TAPBPL: variants seen among roughly 807,000 people sequenced by gnomAD.
TAPBPL encodes TAP binding protein like.
In TAPBPL, 32 loss-of-function variants were observed where a neutral mutation model predicts 44.8. The observed-to-expected ratio is 0.71, with a 90% confidence interval of 0.54 to 0.96. The LOEUF (loss-of-function observed/expected upper bound fraction) is 0.96, where lower values mean the gene tolerates loss of function less well. Among genes scored for constraint, TAPBPL ranks in the 40% least tolerant of loss-of-function variants. The pLI, the probability that TAPBPL is intolerant of heterozygous loss-of-function variation, is 0.00. For missense variants in TAPBPL, 520 were observed against 586.6 expected (o/e 0.89, Z 1.17); for synonymous variants, 230 against 240.7 (o/e 0.96, Z 0.41).
At position 6,457,691 on chromosome 12, in the gene TAPBPL, AG is replaced by A; in HGVS notation, c.852del (p.Ile285SerfsTer24). The A allele has an allele frequency of 6.2e-7, 1 of 1,612,380 alleles. No individual in the cohort carries two copies. Among genetic ancestry groups the A allele is most frequent in the Non-Finnish European group, 8.5e-7 (1 of 1,178,786 alleles). ...TIQDEGTYICQITTSLYRAQQ... is the reference protein window; with the variant it reads ...TIQDEGTYICXITTSLYRAQQ... ...CAGGACGAGGGGACCTACATTTGCC[AG>A]ATCACCACCTCTCTGTACCGAGCTC... On this transcript the variant is annotated frameshift_variant, in exon 4 of 7. Transcript: ENST00000266556. LOFTEE classifies it high-confidence loss of function.
At chr12:6,463,421 G>C (rs2534713), downstream of TAPBPL, 299,824 of 1,054,628 alleles carry the variant, frequency 0.28, 44,501 homozygotes, top group South Asian at 0.33. This position sits in a 1 kb window ranked among gnomAD's most constrained non-coding sequence, Gnocchi z 4.0. Context: ...TCTTTGGCAA[G>C]TGCACGGGTG....
intron 5 of TAPBPL, 53 bp from the exon 6 acceptor site, chr12:6,460,802 A>T: frequency 6.3e-7 from 1 of 1,580,578 alleles, no homozygotes; most frequent in Non-Finnish European, 8.7e-7. Context: ...GTGAGGGCTC[A>T]GCTCATGATT....
chr12:6,462,817 C>T (rs1217813423), downstream of TAPBPL: 3 of 1,603,644 alleles, frequency 1.9e-6, no homozygotes, highest in Middle Eastern at 5.0e-4. Context: ...GTACTGACTG[C>T]TTTCTTCCAG....
chr12:6,469,606 T>C (rs1015194425), downstream of TAPBPL, among the ~76,000 whole-genome samples: 4 of 152,238 alleles, frequency 2.6e-5, no homozygotes, highest in Admixed American at 1.3e-4. Flanking sequence ...ACAACCCTTA[T>C]GTAACACAAG....
chr12:6,457,271 G>A (rs1191570390), intron 3 of TAPBPL, 135 bp from the exon 4 acceptor site: 1 of 771,204 alleles, frequency 1.3e-6, no homozygotes, highest in Non-Finnish European at 2.0e-6. Context: ...GGTTCCATGT[G>A]ATGGAAAATA....
In TAPBPL at chr12:6,452,092, GAAAGA is replaced by G; in HGVS notation, c.-152_-148del. ...CTGCCATCTTGCTCTAAGTGAAAGT[GAAAGA>G]AAAGTCGGCAGCAGAGGGAACAGGG... On this transcript the variant is annotated 5_prime_UTR_variant, in exon 1 of 7. Coordinates refer to ENST00000266556, the MANE Select transcript of TAPBPL (RefSeq NM_018009.5). The G allele has an allele frequency of 1.1e-6, 1 of 869,858 alleles. No homozygotes were observed. Among genetic ancestry groups the G allele is most frequent in the Non-Finnish European group, 1.8e-6 (1 of 551,318 alleles). The allele number at this position is 869,858 out of a possible 1,614,324, so 53.9% of individuals were successfully genotyped here.
downstream of TAPBPL, chr12:6,462,722 G>C: frequency 8.5e-7 from 1 of 1,171,266 alleles, no homozygotes. Flanking sequence ...GGACAGTGGT[G>C]GTTCTTCTCC....
At chr12:6,452,006 A>G, upstream of TAPBPL, 1 of 564,920 alleles carries the variant, frequency 1.8e-6, no homozygotes. Flanking sequence ...GGGTGGTGAG[A>G]AAGGAAACAG....
At chr12:6,462,637 A>G, downstream of TAPBPL, 1 of 668,818 alleles carries the variant, frequency 1.5e-6, no homozygotes, top group Non-Finnish European at 2.5e-6. Context: ...GAGGGACAGA[A>G]ACCCAGGAAT....
In TAPBPL at chr12:6,462,301, C is replaced by T. The variant is rs1949891996; in HGVS notation, c.*152C>T. On this transcript the variant is annotated 3_prime_UTR_variant, in exon 7 of 7. Transcript: ENST00000266556. ...ATACATGACATTGGTAAATATGCCA[C>T]ATGCCTTTGGTGGAAGTACAACTGT... 2 of 614,470 alleles carry T rather than the reference C, an allele frequency of 3.3e-6. No homozygotes were observed. Among genetic ancestry groups the T allele is most frequent in the Admixed American group, 6.0e-5 (2 of 33,264 alleles). 38.1% of individuals were successfully genotyped at this position (614,470 alleles called of 1,614,324 possible). A position where few individuals can be genotyped will look rare whatever the true frequency, so the allele number is the denominator to read the frequency against.
intron 3 of TAPBPL, among the ~76,000 whole-genome samples, chr12:6,454,802 G>A (rs1370430906): frequency 6.6e-6 from 1 of 152,034 alleles, no homozygotes. Context: ...ATCCTCGAGG[G>A]CACAAGAAAT....
the TAPBPL span, among the ~76,000 whole-genome samples, chr12:6,471,535 A>C: frequency 6.6e-6 from 1 of 152,154 alleles, no homozygotes; most frequent in Non-Finnish European, 1.5e-5. This position sits in a 1 kb window ranked among gnomAD's most constrained non-coding sequence, Gnocchi z 4.0. Flanking sequence ...CGCTAAGAAA[A>C]AAGGTTACAA....
chr12:6,470,166 T>A (rs1035615059), downstream of TAPBPL, among the ~76,000 whole-genome samples: 2 of 152,194 alleles, frequency 1.3e-5, no homozygotes, highest in African/African-American at 2.4e-5. Context: ...TTTAGCCAGA[T>A]GACAGAAATA....
downstream of TAPBPL, chr12:6,470,945 T>C: frequency 4.8e-6 from 1 of 210,466 alleles, no homozygotes; most frequent in Non-Finnish European, 9.7e-6. Flanking sequence ...ATGAGGTCTG[T>C]CCCTTCGGAG....
downstream of TAPBPL, chr12:6,466,298 C>G: frequency 6.2e-7 from 1 of 1,614,178 alleles, no homozygotes; most frequent in South Asian, 1.1e-5. Flanking sequence ...AGGGGGACCC[C>G]CACCTGGGGC....
In TAPBPL at chr12:6,462,034, C is replaced by T. The variant is rs1446808661; in HGVS notation, c.1292C>T (p.Ala431Val). ...LMFLGLQRRQ[A>V]PTGLGLLQAE... ...TCCTGTCTTCACTTCCTCTTACCAG[C>T]ACCTACAGGACTTGGGCTGCTTCAG... Residue 431 changes from alanine to valine, a missense_variant and splice_region_variant, in exon 7 of 7, where the codon GCA (alanine) becomes GTA (valine). By Grantham distance (64) the Ala-to-Val change is moderately conservative. Coordinates refer to ENST00000266556, the MANE Select transcript of TAPBPL (RefSeq NM_018009.5). The T allele has an allele frequency of 1.9e-6, 3 of 1,611,304 alleles. No homozygotes were observed. Among genetic ancestry groups the T allele is most frequent in the Non-Finnish European group, 2.5e-6 (3 of 1,178,064 alleles).
chr12:6,462,379 G>A, downstream of TAPBPL: 1 of 506,744 alleles, frequency 2.0e-6, no homozygotes, highest in Admixed American at 3.6e-5. Context: ...AAGACAAAGA[G>A]GTGATGACAG....
chr12:6,467,555 C>A (rs11064210), downstream of TAPBPL, among the ~76,000 whole-genome samples: 10 of 152,058 alleles, frequency 6.6e-5, no homozygotes, highest in Non-Finnish European at 2.9e-5. Flanking sequence ...GAAGAAAAGA[C>A]GCAGTACTAA....
chr12:6,452,424 C>T (rs1949575250), intron 1 of TAPBPL, 112 bp downstream of exon 1: 2 of 1,462,202 alleles, frequency 1.4e-6, no homozygotes, highest in African/African-American at 1.4e-5. Context: ...ACCCCATCGC[C>T]TTCTAAGCCC....
Sources: gnomAD v4.1 joint callset for allele counts (sites outside exome capture counted in the v4.1 genomes callset) on GRCh38, gnomAD v4.1.1 for gene constraint, Gnocchi (gnomAD v3.1) non-coding constraint, MANE v1.5 for transcripts, NCBI Gene and HGNC (gene_info 2026-07-23, HGNC 2026-07-21) for gene names.